Variants in PEX10 observed in about 807,000 individuals in gnomAD.
PEX10 encodes peroxisome biogenesis factor 10.
In PEX10, 32 loss-of-function variants were observed where a neutral mutation model predicts 38.0. The observed-to-expected ratio is 0.84, with a 90% CI of 0.63 to 1.13. The LOEUF (loss-of-function observed/expected upper bound fraction) is 1.13. Among genes scored for constraint, PEX10 ranks in the 50% most tolerant of loss-of-function variants. PEX10 has a pLI of 0.00. For missense variants in PEX10, 483 were observed against 457.7 expected, an observed-to-expected ratio of 1.06 and a Z score of -0.51; for synonymous variants, 206 against 207.3, an observed-to-expected ratio of 0.99 and a Z score of 0.05.
chr1:2,407,240 G>A (rs550149577), intron 3 of PEX10, among the ~76,000 whole-genome samples: 1 of 152,352 alleles, frequency 6.6e-6, no homozygotes, highest in African/African-American at 2.4e-5. Context: ...ATGTGGGGCT[G>A]CAGACGCTGC....
rs185014726 is a variant in PEX10 at position 2,410,718 on chromosome 1, C to G, written c.113-267G>C. On this transcript the variant is annotated intron_variant, in intron 1 of 5. Coordinates refer to ENST00000447513, the MANE Select transcript of PEX10 (RefSeq NM_002617.4). The surrounding 1 kb of genome is among the most constrained non-coding windows in gnomAD (Gnocchi z 5.1). The stretch of plus-strand genomic sequence containing the variant: ...ATTCCCCTGAGCAACTGTTCTAGGG[C>G]CTATGAGGGCCACATGGAAAGATGG... 7.2e-6 allele frequency: 4 copies of G among 559,412 alleles called. No individual in the cohort carries two copies. Among genetic ancestry groups the G allele is most frequent in the Non-Finnish European group, 1.0e-5 (3 of 294,354 alleles). The allele number at this position is 559,412 out of a possible 1,614,324, so 34.7% of individuals were successfully genotyped here. A position where few individuals can be genotyped will look rare whatever the true frequency, so the allele number is the denominator to read the frequency against.
chr1:2,406,148 G>C (rs1188826727), intron 5 of PEX10, among the ~76,000 whole-genome samples: 2 of 152,302 alleles, frequency 1.3e-5, no homozygotes, highest in Admixed American at 6.5e-5. Flanking sequence ...CGGCATCTTC[G>C]GTGGGTGTGA....
chr1:2,412,533 A>C lies in PEX10; in HGVS notation c.-31T>G, dbSNP rs1643283282. On this transcript the variant is annotated 5_prime_UTR_variant, in exon 1 of 6. Transcript: ENST00000447513. The stretch of plus-strand genomic sequence containing the variant: ...CGGGTTCGGGTGGTCCCGAGCAGCC[A>C]CGCCGGCCACGCCCACGCCCAGACG... 2 of 1,303,578 alleles carry C rather than the reference A, an allele frequency of 1.5e-6. No homozygotes were observed. The highest frequency in any genetic ancestry group is 1.9e-6 in the Non-Finnish European group (2 of 1,026,182). 80.8% of individuals were successfully genotyped at this position (1,303,578 alleles called of 1,614,324 possible). A position where few individuals can be genotyped will look rare whatever the true frequency, so the allele number is the denominator to read the frequency against.
In PEX10 at chr1:2,404,074, A is replaced by C. The variant is rs1489605368; in HGVS notation, c.*1692T>G. 3 of 152,238 alleles carry C rather than the reference A, an allele frequency of 2.0e-5. No individual in the cohort carries two copies. Among genetic ancestry groups the C allele is most frequent in the Non-Finnish European group, 4.4e-5 (3 of 68,056 alleles). 9.4% of individuals were successfully genotyped at this position (152,238 alleles called of 1,614,324 possible). On this transcript the variant is annotated 3_prime_UTR_variant, in exon 6 of 6. Coordinates refer to ENST00000447513, the MANE Select transcript of PEX10 (RefSeq NM_002617.4). Reference sequence around the variant, plus strand: ...GTTTGGCCTTTTCGAAAGGTGACCCATATTGCACAGCAGAACATCACAGCT... The same window carrying C: ...GTTTGGCCTTTTCGAAAGGTGACCCCTATTGCACAGCAGAACATCACAGCT...
Position 2,409,020 on chromosome 1 carries a change from T to C in PEX10, c.194-162A>G, listed in dbSNP as rs770580431. 3.3e-5 allele frequency among the ~76,000 whole-genome samples: 5 copies of C among 152,110 alleles called. No individual in the cohort carries two copies. The highest frequency in any genetic ancestry group is 5.9e-5 in the Non-Finnish European group (4 of 67,994). ...GTGCTGGCTGAGGCCAACATGACCT[T>C]CTGTCGCTAAGCCCACTGTGAGCTC... On this transcript the variant is annotated intron_variant, in intron 2 of 5. Transcript: ENST00000447513. This position sits in a 1 kb window ranked among gnomAD's most constrained non-coding sequence, Gnocchi z 6.2.
rs1642920148 is a variant in PEX10, at chr1:2,404,138, TCTC to T, written c.*1625_*1627del. The T allele has an allele frequency of 6.6e-6, 1 of 152,070 alleles. No individual in the cohort carries two copies. The highest frequency in any genetic ancestry group is 2.1e-4 in the South Asian group (1 of 4,830). The allele number at this position is 152,070 out of a possible 1,614,324, so 9.4% of individuals were successfully genotyped here. ...AGACACTGACATGCGAGTGAAGGCC[TCTC>T]CTCCTGGGCCCCGGGCTGCGCAGGC... On this transcript the variant is annotated 3_prime_UTR_variant, in exon 6 of 6. Transcript: ENST00000447513.
chr1:2,412,714 C>T (rs1643299528), upstream of PEX10: 2 of 353,100 alleles, frequency 5.7e-6, no homozygotes, highest in Admixed American at 9.6e-5. Flanking sequence ...GGCGGGGCAG[C>T]GGGAAGGTAG....
At position 2,406,523 on chromosome 1, in the gene PEX10, C is replaced by G. The variant is rs1475631212; in HGVS notation, c.873G>C (p.Leu291=). The change falls in exon 5 of 6, where the codon CTG becomes CTC. Residue 291 remains leucine, a synonymous_variant. Coordinates refer to ENST00000447513, the MANE Select transcript of PEX10 (RefSeq NM_002617.4). The stretch of plus-strand genomic sequence containing the variant: ...ACGCGGTGATGCACTCCCAGCAGAA[C>G]AGGTGGCCGCAGGGCGTGGCTGTTG... ...RHPTATPCGH[L]FCWECITAWC... The G allele has an allele frequency of 1.9e-6, 3 of 1,613,082 alleles. No homozygotes were observed. The African/African-American group carries it at 4.0e-5, about 22-fold the overall frequency.
Position 2,410,513 on chromosome 1 carries a change from C to G in PEX10, c.113-62G>C, listed in dbSNP as rs10910064. 2.4e-3 allele frequency: 3,393 copies of G among 1,435,096 alleles called. 74 individuals carry two copies. In the African/African-American group the frequency reaches 0.043, roughly 18 times the overall value. The allele number at this position is 1,435,096 out of a possible 1,614,324, so 88.9% of individuals were successfully genotyped here. Reference sequence around the variant, plus strand: ...TGGGCATCCTCTGAGGATGAGGGACCACAGTCCTCCCCCAGTTGTCTAGGC... The same window carrying G: ...TGGGCATCCTCTGAGGATGAGGGACGACAGTCCTCCCCCAGTTGTCTAGGC... On this transcript the variant is annotated intron_variant, in intron 1 of 5. Transcript: ENST00000447513. This position sits in a 1 kb window ranked among gnomAD's most constrained non-coding sequence, Gnocchi z 5.1.
rs724160001 is a variant in PEX10 at position 2,405,815 on chromosome 1, C to T, written c.932G>A (p.Arg311Gln). Reference protein sequence around the residue: ...CSSKAECPLCREKFPPQKLIY... With the variant: ...CSSKAECPLCQEKFPPQKLIY... ...GAGCTTCTGGGGAGGGAACTTCTCCCGGCAGAGGGGACACTCCGCCTGCGG... is the reference window on the plus strand; with the variant it reads ...GAGCTTCTGGGGAGGGAACTTCTCCTGGCAGAGGGGACACTCCGCCTGCGG... Residue 311 changes from arginine to glutamine, a missense_variant, in exon 6 of 6, where the codon CGG (arginine) becomes CAG (glutamine). Physicochemically the swap from Arg to Gln is conservative, Grantham distance 43. Transcript: ENST00000447513. 14 of 1,599,512 alleles carry T rather than the reference C, an allele frequency of 8.8e-6. No individual in the cohort carries two copies. The highest frequency in any genetic ancestry group is 6.7e-5 in the African/African-American group (5 of 74,620).
At position 2,410,932 on chromosome 1, in the gene PEX10, G is replaced by GGGTA; in HGVS notation, c.113-485_113-482dup. The GGGTA allele has an allele frequency of 2.2e-6, 1 of 453,594 alleles. No homozygotes were observed. The highest frequency in any genetic ancestry group is 4.4e-6 in the Non-Finnish European group (1 of 224,782). 28.1% of individuals were successfully genotyped at this position (453,594 alleles called of 1,614,324 possible). A position where few individuals can be genotyped will look rare whatever the true frequency, so the allele number is the denominator to read the frequency against. ...ACACTGGGAACAGTGTCTGGCACAG[G>GGGTA]GGTAAGTGCCAAGTGTACTGTAAAA... On this transcript the variant is annotated intron_variant, in intron 1 of 5. Coordinates refer to ENST00000447513, the MANE Select transcript of PEX10 (RefSeq NM_002617.4). This position sits in a 1 kb window ranked among gnomAD's most constrained non-coding sequence, Gnocchi z 5.1.
chr1:2,408,333 C>G, intron 3 of PEX10, 119 bp downstream of exon 3: 1 of 1,104,162 alleles, frequency 9.1e-7, no homozygotes. Context: ...GACACAGATG[C>G]TGGATGTAGA....
chr1:2,412,606 CT>C (rs1643289590), upstream of PEX10: 1 of 940,094 alleles, frequency 1.1e-6, no homozygotes, highest in East Asian at 3.5e-5. Flanking sequence ...CGGCGCAGAC[CT>C]CTGCGTCAAG....
upstream of PEX10, chr1:2,412,624 G>GGGCGGGGCCGGACTGGGGCTGGA (rs1405798424): frequency 1.5e-3 from 1,143 of 774,736 alleles, 13 homozygotes; most frequent in African/African-American, 0.018. Flanking sequence ...CAAGGTGCTG[G>GGGCGGGGCCGGACTGGGGCTGGA]GGCGGGGCCG....
rs942392032 is a variant in PEX10, at chr1:2,410,440, A to T, written c.124T>A (p.Trp42Arg). The T allele has an allele frequency of 9.9e-6, 16 of 1,613,886 alleles. No individual in the cohort carries two copies. The highest frequency in any genetic ancestry group is 1.3e-5 in the Non-Finnish European group (15 of 1,179,950). ...TCAACCTCCTTCCTCCACTCCAGCC[A>T]CTTCCTCGCACCTGAGAGGAGAAAC... ...ALHSLAGARKWLEWRKEVELL... is the reference protein window; with the variant it reads ...ALHSLAGARKRLEWRKEVELL... The change falls in exon 2 of 6, where the codon TGG becomes AGG. Residue 42 changes from tryptophan to arginine, a missense_variant. Trp to Arg is a moderately radical substitution (Grantham distance 101). Coordinates refer to ENST00000447513, the MANE Select transcript of PEX10 (RefSeq NM_002617.4). This position sits in a 1 kb window ranked among gnomAD's most constrained non-coding sequence, Gnocchi z 5.1.
chr1:2,410,293 T>C lies in PEX10; in HGVS notation c.193+78A>G. 1.6e-6 allele frequency: 2 copies of C among 1,287,830 alleles called. No homozygotes were observed. The highest frequency in any genetic ancestry group is 2.3e-6 in the Non-Finnish European group (2 of 885,682). The allele number at this position is 1,287,830 out of a possible 1,614,324, so 79.8% of individuals were successfully genotyped here. A position where few individuals can be genotyped will look rare whatever the true frequency, so the allele number is the denominator to read the frequency against. On this transcript the variant is annotated intron_variant, in intron 2 of 5. Coordinates refer to ENST00000447513, the MANE Select transcript of PEX10 (RefSeq NM_002617.4). The surrounding 1 kb of genome is among the most constrained non-coding windows in gnomAD (Gnocchi z 5.1). ...AGCTCCAGGAGCTTCTCACACTGCCTGGCAGCCCCCTGGCCACCGTCCCCA... is the reference window on the plus strand; with the variant it reads ...AGCTCCAGGAGCTTCTCACACTGCCCGGCAGCCCCCTGGCCACCGTCCCCA...
chr1:2,405,859 C>T lies in PEX10; in HGVS notation c.913-25G>A, dbSNP rs769013489. On this transcript the variant is annotated intron_variant, in intron 5 of 5. Coordinates refer to ENST00000447513, the MANE Select transcript of PEX10 (RefSeq NM_002617.4). ...CCTGCGGAGAGGAGAAAGGGGGTCA[C>T]AGCAGCTGGGGCCACTGGGCCATGC... 1.2e-5 allele frequency: 19 copies of T among 1,569,524 alleles called. No homozygotes were observed. The Admixed American group carries it at 2.6e-4, about 21-fold the overall frequency.
At chr1:2,406,969 A>G in intron 3 of PEX10, 74 bp from the exon 4 acceptor site, 1 of 1,555,394 alleles carries the variant, frequency 6.4e-7, no homozygotes, top group South Asian at 1.2e-5. Context: ...GGAGGGTCAC[A>G]CGTTCAGTTG....
At position 2,409,767 on chromosome 1, in the gene PEX10, C is replaced by G. The variant is rs1044252614; in HGVS notation, c.193+604G>C. ...GCTTGCTCTGCCGGTCTGGAAAATG[C>G]TCTTCCCTAAGACGTGGTCTTTATC... On this transcript the variant is annotated intron_variant, in intron 2 of 5. Transcript: ENST00000447513. This position sits in a 1 kb window ranked among gnomAD's most constrained non-coding sequence, Gnocchi z 6.2. 3.2e-5 allele frequency: 5 copies of G among 155,218 alleles called. No homozygotes were observed. Among genetic ancestry groups the G allele is most frequent in the African/African-American group, 9.6e-5 (4 of 41,484 alleles). 9.6% of individuals were successfully genotyped at this position (155,218 alleles called of 1,614,324 possible).
Sources: gnomAD v4.1 joint callset for allele counts (sites outside exome capture counted in the v4.1 genomes callset) on GRCh38, gnomAD v4.1.1 for gene constraint, Gnocchi (gnomAD v3.1) non-coding constraint, MANE v1.5 for transcripts, NCBI Gene and HGNC (gene_info 2026-07-23, HGNC 2026-07-21) for gene names.